PDE8B: variants seen among roughly 807,000 people sequenced by gnomAD.
The protein encoded by PDE8B is high affinity cAMP-specific and IBMX-insensitive 3',5'-cyclic phosphodiesterase 8B.
A neutral mutation model predicts 101.3 loss-of-function variants in PDE8B; 26 were observed. The ratio of observed to expected loss-of-function variants is 0.26; its 90% CI spans 0.19 to 0.36. The LOEUF (loss-of-function observed/expected upper bound fraction) is 0.36. Ranked by LOEUF, PDE8B falls within the 10% of genes least tolerant of loss-of-function variation. PDE8B has a pLI of 1.00. For missense variants in PDE8B, 810 were observed against 1,163.1 expected, an observed-to-expected ratio of 0.70 and a Z score of 4.42; for synonymous variants, 424 against 429.3, an observed-to-expected ratio of 0.99 and a Z score of 0.15.
chr5:77,223,799 G>A (rs959665733), intron 1 of PDE8B, among the ~76,000 whole-genome samples: 1 of 152,196 alleles, frequency 6.6e-6, no homozygotes, highest in Admixed American at 6.5e-5. Flanking sequence ...AGGAACAGGC[G>A]ATAGCAGTGG....
intron 10 of PDE8B, among the ~76,000 whole-genome samples, chr5:77,375,889 CTTTTTTTTT>C (rs70988668): frequency 1.8e-5 from 2 of 108,316 alleles, no homozygotes; most frequent in African/African-American, 3.7e-5. Flanking sequence ...GCCTTGATTT[CTTTTTTTTT>C]TTTTTTTTTT....
chr5:77,347,586 T>A (rs548506371), intron 7 of PDE8B, among the ~76,000 whole-genome samples: 159 of 152,312 alleles, frequency 1.0e-3, no homozygotes, highest in Non-Finnish European at 2.0e-3. Context: ...TATCCAAAGA[T>A]CAATTCAAAA....
chr5:77,308,714 A>G (rs1771822304), intron 1 of PDE8B, among the ~76,000 whole-genome samples: 1 of 152,132 alleles, frequency 6.6e-6, no homozygotes, highest in Non-Finnish European at 1.5e-5. Context: ...TGCCCCTAGG[A>G]TTACAGGTGT....
intron 10 of PDE8B, among the ~76,000 whole-genome samples, chr5:77,378,389 G>T (rs1485833848): frequency 1.4e-5 from 2 of 147,590 alleles, no homozygotes; most frequent in Non-Finnish European, 3.0e-5. Flanking sequence ...AACCCAGGAG[G>T]CAGAGGTTGC....
the PDE8B span, among the ~76,000 whole-genome samples, chr5:77,176,609 C>A: frequency 6.6e-6 from 1 of 152,194 alleles, no homozygotes; most frequent in East Asian, 1.9e-4. Context: ...GGACACGGGC[C>A]CACACTGAGC....
At chr5:77,317,870 A>C in intron 2 of PDE8B, among the ~76,000 whole-genome samples, 1 of 152,020 alleles carries the variant, frequency 6.6e-6, no homozygotes, top group East Asian at 1.9e-4. Flanking sequence ...AAGCCTGGCC[A>C]AGATGGTGAA....
intron 8 of PDE8B, 24 bp downstream of exon 8, chr5:77,349,583 T>C: frequency 6.2e-7 from 1 of 1,613,816 alleles, no homozygotes; most frequent in Non-Finnish European, 8.5e-7. Context: ...GCAAAACCAA[T>C]CCACGAACCC....
At chr5:77,138,894 A>C in the PDE8B span, among the ~76,000 whole-genome samples, 1 of 152,198 alleles carries the variant, frequency 6.6e-6, no homozygotes. Flanking sequence ...AACCCTGACC[A>C]AAGCAATTTC....
intron 1 of PDE8B, among the ~76,000 whole-genome samples, chr5:77,276,268 G>A (rs1225514578): frequency 1.3e-5 from 2 of 151,996 alleles, no homozygotes; most frequent in Non-Finnish European, 2.9e-5. Flanking sequence ...TGTTCCCTCT[G>A]CTGGGTTGCT....
intron 1 of PDE8B, among the ~76,000 whole-genome samples, chr5:77,228,044 T>G (rs1291458614): frequency 1.3e-5 from 2 of 152,174 alleles, no homozygotes; most frequent in African/African-American, 4.8e-5. Context: ...AAGGCTGCAA[T>G]CAAGATGTTG....
At chr5:77,164,438 G>A in the PDE8B span, among the ~76,000 whole-genome samples, 2 of 152,198 alleles carry the variant, frequency 1.3e-5, no homozygotes, top group Admixed American at 1.3e-4. Flanking sequence ...TCACTCTGCA[G>A]AAGAAAGAAA....
intron 5 of PDE8B, among the ~76,000 whole-genome samples, chr5:77,335,141 A>T (rs1481343473): frequency 6.6e-6 from 1 of 152,252 alleles, no homozygotes; most frequent in African/African-American, 2.4e-5. Flanking sequence ...ATTTGTAGGC[A>T]GAAATAGAAA....
chr5:77,403,164 T>C (rs1792669828), intron 11 of PDE8B, among the ~76,000 whole-genome samples: 1 of 152,210 alleles, frequency 6.6e-6, no homozygotes, highest in Non-Finnish European at 1.5e-5. Flanking sequence ...ATCTCGGCGC[T>C]CACTGGTGGC....
chr5:77,427,385 T>C lies in PDE8B; in HGVS notation c.*831T>C, dbSNP rs538996177. The C allele has an allele frequency of 6.8e-4, 96 of 141,460 alleles. No homozygotes were observed. Among genetic ancestry groups the C allele is most frequent in the Non-Finnish European group, 8.0e-4 (53 of 66,390 alleles). The allele number at this position is 141,460 out of a possible 1,614,324, so 8.8% of individuals were successfully genotyped here. ...TAAAAGCCATTAAATTTGAATGCCC[T>C]TGGACAAGCTTTTCTTAAAAAAAAA... is the stretch of plus-strand genomic sequence containing the variant. On this transcript the variant is annotated 3_prime_UTR_variant, in exon 22 of 22. Transcript: ENST00000264917.
the PDE8B span, chr5:77,146,636 C>T: frequency 2.1e-5 from 6 of 281,024 alleles, no homozygotes; most frequent in African/African-American, 1.4e-4. Flanking sequence ...GCAAACTTGT[C>T]AGGAGGCGCA....
chr5:77,098,378 C>T, the PDE8B span, among the ~76,000 whole-genome samples: 24 of 151,882 alleles, frequency 1.6e-4, no homozygotes, highest in African/African-American at 5.8e-4. Context: ...CAAACTCCTG[C>T]GTGCCAGTGA....
intron 10 of PDE8B, among the ~76,000 whole-genome samples, chr5:77,375,687 A>C (rs1266010149): frequency 6.6e-6 from 1 of 152,128 alleles, no homozygotes; most frequent in East Asian, 1.9e-4. Flanking sequence ...TAACGGACTC[A>C]GGAAAAGTTC....
intron 1 of PDE8B, among the ~76,000 whole-genome samples, chr5:77,228,366 G>A (rs545572831): frequency 1.8e-4 from 28 of 152,162 alleles, no homozygotes; most frequent in Non-Finnish European, 3.1e-4. Context: ...GGCTGTGTTG[G>A]AACCTGCCTG....
At chr5:77,205,941 C>T (rs1747466494), upstream of PDE8B, among the ~76,000 whole-genome samples, 1 of 151,954 alleles carries the variant, frequency 6.6e-6, no homozygotes, top group Admixed American at 6.6e-5. Context: ...ACATTGCTAC[C>T]AACAACTTTG....
Sources: allele counts gnomAD v4.1 joint callset (sites outside exome capture counted in the v4.1 genomes callset), GRCh38; gene constraint gnomAD v4.1.1; transcripts MANE v1.5; gene names NCBI Gene and HGNC (gene_info 2026-07-23, HGNC 2026-07-21).